Variants in MARCHF5 observed in about 807,000 individuals in gnomAD.
MARCHF5 encodes membrane associated ring-CH-type finger 5.
A neutral mutation model predicts 36.5 loss-of-function variants in MARCHF5; 5 were observed. The observed-to-expected ratio is 0.14, with a 90% CI of 0.07 to 0.29. MARCHF5 has a LOEUF of 0.29. Among genes scored for constraint, MARCHF5 ranks in the 10% least tolerant of loss-of-function variants. The pLI, the probability that MARCHF5 is intolerant of heterozygous loss-of-function variation, is 1.00. For missense variants in MARCHF5, 179 were observed against 336.3 expected, an observed-to-expected ratio of 0.53 and a Z score of 3.66; for synonymous variants, 103 against 109.9, an observed-to-expected ratio of 0.94 and a Z score of 0.39.
chr10:92,317,239 C>T (rs554766599), intron 2 of MARCHF5, among the ~76,000 whole-genome samples: 3 of 152,112 alleles, frequency 2.0e-5, no homozygotes, highest in East Asian at 1.9e-4. Context: ...CCTGGGATTA[C>T]AGACATGCGC....
chr10:92,328,822 T>TATATATATATATATATA (rs1491512830), intron 2 of MARCHF5, among the ~76,000 whole-genome samples: 3 of 52,766 alleles, frequency 5.7e-5, no homozygotes, highest in Admixed American at 1.8e-4. Flanking sequence ...TATATATATA[T>TATATATATATATATATA]TTTTTTTTTT....
At chr10:92,306,454 T>A (rs1322158050) in intron 1 of MARCHF5, among the ~76,000 whole-genome samples, 2 of 152,126 alleles carry the variant, frequency 1.3e-5, no homozygotes, top group East Asian at 1.9e-4. Flanking sequence ...ATAGAAAGCA[T>A]GGGATACTAT....
At chr10:92,331,428 T>TC (rs537869732) in intron 2 of MARCHF5, among the ~76,000 whole-genome samples, 39 of 151,070 alleles carry the variant, frequency 2.6e-4, no homozygotes, top group South Asian at 1.3e-3. Flanking sequence ...CCTTACCTCC[T>TC]CCCCCCCCAT....
intron 2 of MARCHF5, among the ~76,000 whole-genome samples, chr10:92,315,720 A>G (rs974750655): frequency 2.6e-5 from 4 of 152,200 alleles, no homozygotes; most frequent in Non-Finnish European, 5.9e-5. Context: ...ACTCTTTTGA[A>G]CCATTGATTC....
At chr10:92,314,753 C>CTT (rs1379046457) in intron 2 of MARCHF5, among the ~76,000 whole-genome samples, 1 of 123,860 alleles carries the variant, frequency 8.1e-6, no homozygotes, top group Admixed American at 8.6e-5. Flanking sequence ...CCCCCGCCCC[C>CTT]CCCCGCCAAT....
intron 1 of MARCHF5, among the ~76,000 whole-genome samples, chr10:92,296,351 T>C (rs1228307314): frequency 3.3e-5 from 5 of 152,212 alleles, no homozygotes; most frequent in African/African-American, 4.8e-5. Flanking sequence ...CCTGAAATGA[T>C]AACCATTCAT....
In MARCHF5 at chr10:92,351,171, C is replaced by G. The variant is rs374741162; in HGVS notation, c.801C>G (p.Arg267=). 7 of 1,613,056 alleles carry G rather than the reference C, an allele frequency of 4.3e-6. No individual in the cohort carries two copies. The African/African-American group carries it at 8.0e-5, about 18-fold the overall frequency. The part of the protein sequence containing the change: ...KQQQYLRQAH[R]KILNYPEQEE... ...AGCAATATTTACGACAGGCACACCG[C>G]AAAATTCTGAATTATCCAGAACAAG... Residue 267 remains arginine (R), a synonymous_variant, in exon 6 of 6, where the codon CGC becomes CGG. Transcript: ENST00000358935.
At chr10:92,301,198 T>C (rs1173318758) in intron 1 of MARCHF5, among the ~76,000 whole-genome samples, 1 of 152,162 alleles carries the variant, frequency 6.6e-6, no homozygotes, top group African/African-American at 2.4e-5. Flanking sequence ...GCCTCCTAAT[T>C]CTTTACATGC....
intron 2 of MARCHF5, among the ~76,000 whole-genome samples, chr10:92,336,482 A>G (rs1396851954): frequency 3.3e-5 from 5 of 152,228 alleles, no homozygotes; most frequent in Non-Finnish European, 5.9e-5. Flanking sequence ...TACAGGCCCT[A>G]GTTTCCCAAC....
chr10:92,293,349 C>G (rs970681927), intron 1 of MARCHF5, among the ~76,000 whole-genome samples: 1 of 152,190 alleles, frequency 6.6e-6, no homozygotes, highest in African/African-American at 2.4e-5. Flanking sequence ...AAGTGATCCT[C>G]CCGCCTAGCC....
At chr10:92,292,808 C>T (rs1470902395) in intron 1 of MARCHF5, among the ~76,000 whole-genome samples, 1 of 152,086 alleles carries the variant, frequency 6.6e-6, no homozygotes, top group African/African-American at 2.4e-5. Flanking sequence ...TATCTTGAAT[C>T]CCAGAACAGA....
Position 92,303,575 on chromosome 10 carries a change from GTTCC to G in MARCHF5, c.36-7557_36-7554del, listed in dbSNP as rs952494960. 1.3e-3 allele frequency among the ~76,000 whole-genome samples: 202 copies of G among 152,144 alleles called. 3 individuals are homozygous for G. The highest frequency in any genetic ancestry group is 1.9e-4 in the Non-Finnish European group (13 of 68,000). On this transcript the variant is annotated intron_variant, in intron 1 of 5. Transcript: ENST00000358935. Reference sequence around the variant, plus strand: ...TGTTTGTTCGTTAACTAGACTGGAAGTTCCTTACATGTAGTTCCTTGTGGCATCA... The same window carrying G: ...TGTTTGTTCGTTAACTAGACTGGAAGTTACATGTAGTTCCTTGTGGCATCA...
intron 2 of MARCHF5, among the ~76,000 whole-genome samples, chr10:92,315,398 T>G (rs1564946548): frequency 6.6e-6 from 1 of 152,262 alleles, no homozygotes; most frequent in Non-Finnish European, 1.5e-5. Context: ...TCATTAATTT[T>G]GCAGCTGACA....
At chr10:92,339,813 A>ATGCT in intron 2 of MARCHF5, among the ~76,000 whole-genome samples, 1 of 152,344 alleles carries the variant, frequency 6.6e-6, no homozygotes, top group African/African-American at 2.4e-5. Context: ...ATACCTCCAA[A>ATGCT]TGCTGCTTTT....
chr10:92,353,453 G>C lies in MARCHF5; in HGVS notation c.*2246G>C, dbSNP rs1487695159. 1.3e-5 allele frequency: 2 copies of C among 152,154 alleles called. No individual in the cohort carries two copies. Among genetic ancestry groups the C allele is most frequent in the African/African-American group, 4.8e-5 (2 of 41,416 alleles). 9.4% of individuals were successfully genotyped at this position (152,154 alleles called of 1,614,324 possible). A position where few individuals can be genotyped will look rare whatever the true frequency, so the allele number is the denominator to read the frequency against. On this transcript the variant is annotated 3_prime_UTR_variant, in exon 6 of 6. Coordinates refer to ENST00000358935, the MANE Select transcript of MARCHF5 (RefSeq NM_017824.5). Reference sequence around the variant, plus strand: ...AATGCAAATAATGTTTATCTCAGAAGACTATTTCTAGGATTAACTGAGAGA... The same window carrying C: ...AATGCAAATAATGTTTATCTCAGAACACTATTTCTAGGATTAACTGAGAGA...
At chr10:92,292,216 T>C (rs1443532235) in intron 1 of MARCHF5, among the ~76,000 whole-genome samples, 2 of 152,188 alleles carry the variant, frequency 1.3e-5, no homozygotes, top group African/African-American at 2.4e-5. Flanking sequence ...TTGCCCATTC[T>C]TGGGGGGCCC....
intron 2 of MARCHF5, among the ~76,000 whole-genome samples, chr10:92,327,454 T>A (rs906457441): frequency 4.6e-5 from 7 of 152,180 alleles, no homozygotes; most frequent in African/African-American, 1.7e-4. Flanking sequence ...TTTACTGTTA[T>A]AGACAGTACT....
At chr10:92,345,419 C>T (rs867185987) in intron 3 of MARCHF5, among the ~76,000 whole-genome samples, 1 of 152,068 alleles carries the variant, frequency 6.6e-6, no homozygotes. Context: ...GCGTGAGAAT[C>T]GCTTGAACCT....
intron 3 of MARCHF5, among the ~76,000 whole-genome samples, chr10:92,345,440 G>A (rs1843630719): frequency 6.6e-6 from 1 of 152,152 alleles, no homozygotes; most frequent in Non-Finnish European, 1.5e-5. Context: ...GGGAGGCAGA[G>A]GTTGTAGTGA....
Sources: gnomAD v4.1 joint callset for allele counts (sites outside exome capture counted in the v4.1 genomes callset) on GRCh38, gnomAD v4.1.1 for gene constraint, MANE v1.5 for transcripts, NCBI Gene and HGNC (gene_info 2026-07-23, HGNC 2026-07-21) for gene names.